PCDH9: variants seen among roughly 807,000 people sequenced by gnomAD.
PCDH9 encodes protocadherin-9.
In PCDH9, 24 loss-of-function variants were observed where a neutral mutation model predicts 70.6. The observed-to-expected ratio is 0.34, with a 90% CI of 0.25 to 0.48. The LOEUF (loss-of-function observed/expected upper bound fraction) is 0.48. Among genes scored for constraint, PCDH9 ranks in the 20% least tolerant of loss-of-function variants. PCDH9 has a pLI of 0.99. For missense variants in PCDH9, 1,281 were observed against 1,503.6 expected, an observed-to-expected ratio of 0.85 and a Z score of 2.45; for synonymous variants, 562 against 558.5, an observed-to-expected ratio of 1.01 and a Z score of -0.09.
chr13:66,873,290 TA>T (rs1449682064), intron 3 of PCDH9, among the ~76,000 whole-genome samples: 1 of 152,192 alleles, frequency 6.6e-6, no homozygotes, highest in Non-Finnish European at 1.5e-5. Context: ...AATTAAATTA[TA>T]GGGGGAATGA....
intron 3 of PCDH9, among the ~76,000 whole-genome samples, chr13:66,841,307 A>T (rs1289589060): frequency 6.6e-6 from 1 of 152,294 alleles, no homozygotes; most frequent in African/African-American, 2.4e-5. Flanking sequence ...AAAATCAGGG[A>T]TCGTTCTACT....
intron 3 of PCDH9, among the ~76,000 whole-genome samples, chr13:66,762,864 G>GA (rs926440244): frequency 1.3e-5 from 2 of 151,708 alleles, no homozygotes; most frequent in African/African-American, 2.4e-5. Flanking sequence ...AAGTCTCAGA[G>GA]AAAAAAAATT....
At chr13:66,439,366 A>G (rs1406445827) in intron 4 of PCDH9, among the ~76,000 whole-genome samples, 1 of 152,204 alleles carries the variant, frequency 6.6e-6, no homozygotes, top group African/African-American at 2.4e-5. Context: ...AATAAAGTAC[A>G]TCCTGAAGAT....
intron 4 of PCDH9, among the ~76,000 whole-genome samples, chr13:66,401,027 T>C (rs899575701): frequency 1.3e-5 from 2 of 152,172 alleles, no homozygotes; most frequent in African/African-American, 4.8e-5. Context: ...CTTAATTGTG[T>C]GGGGAAATCG....
intron 2 of PCDH9, among the ~76,000 whole-genome samples, chr13:67,134,718 C>G (rs2087189342): frequency 3.9e-5 from 6 of 152,094 alleles, no homozygotes; most frequent in Non-Finnish European, 8.8e-5. Context: ...CAAACACACA[C>G]TCAGAAACAT....
intron 3 of PCDH9, among the ~76,000 whole-genome samples, chr13:66,899,909 C>G (rs2082250119): frequency 6.6e-6 from 1 of 151,856 alleles, no homozygotes; most frequent in Admixed American, 6.6e-5. Flanking sequence ...CAAGTATAAA[C>G]TATTTTATTT....
chr13:67,148,105 A>G (rs1212199352), intron 2 of PCDH9, among the ~76,000 whole-genome samples: 1 of 152,114 alleles, frequency 6.6e-6, no homozygotes, highest in Non-Finnish European at 1.5e-5. Context: ...ATGCAGGTCT[A>G]TCTTTTTAAC....
At chr13:66,684,750 C>T (rs775742806) in intron 3 of PCDH9, among the ~76,000 whole-genome samples, 1 of 151,970 alleles carries the variant, frequency 6.6e-6, no homozygotes, top group Non-Finnish European at 1.5e-5. Context: ...TGGACTAATA[C>T]AGTAAATTGG....
chr13:66,424,456 A>G (rs1957631053), intron 4 of PCDH9, among the ~76,000 whole-genome samples: 1 of 151,994 alleles, frequency 6.6e-6, no homozygotes, highest in Admixed American at 6.6e-5. Flanking sequence ...TGGGAGAAGT[A>G]TGGAAAGAAC....
At chr13:66,476,733 G>A (rs1958738354) in intron 4 of PCDH9, among the ~76,000 whole-genome samples, 1 of 151,926 alleles carries the variant, frequency 6.6e-6, no homozygotes, top group African/African-American at 2.4e-5. Context: ...ATCTTCTTGT[G>A]TATAAGTAAC....
At chr13:67,153,954 C>T (rs750078589) in intron 2 of PCDH9, among the ~76,000 whole-genome samples, 7 of 152,166 alleles carry the variant, frequency 4.6e-5, no homozygotes, top group African/African-American at 9.7e-5. Flanking sequence ...AATGAATATA[C>T]GTGTATACTT....
chr13:66,475,647 A>C (rs1288007405), intron 4 of PCDH9, among the ~76,000 whole-genome samples: 1 of 152,074 alleles, frequency 6.6e-6, no homozygotes, highest in Non-Finnish European at 1.5e-5. Context: ...AGAGAATGCA[A>C]TAAACATGTA....
chr13:66,645,252 T>A (rs2077756363), intron 3 of PCDH9, among the ~76,000 whole-genome samples: 2 of 152,070 alleles, frequency 1.3e-5, no homozygotes, highest in Non-Finnish European at 2.9e-5. Context: ...ATGAGTATGA[T>A]CTTATGACCC....
intron 2 of PCDH9, among the ~76,000 whole-genome samples, chr13:67,013,175 A>G (rs2084486418): frequency 1.3e-5 from 2 of 151,796 alleles, no homozygotes; most frequent in African/African-American, 2.4e-5. Context: ...TAAATCACCC[A>G]TGAAATCACC....
At chr13:66,841,780 G>A (rs920074351) in intron 3 of PCDH9, among the ~76,000 whole-genome samples, 1 of 152,124 alleles carries the variant, frequency 6.6e-6, no homozygotes, top group African/African-American at 2.4e-5. Flanking sequence ...GAAAAATGGA[G>A]GGTTTAACAT....
chr13:67,227,793 A>G lies in PCDH9; in HGVS notation c.648T>C (p.Asp216=), dbSNP rs1593659421. ...VQQNLDREQK[D]TYVMKIKVED... ...CTACTTTGATTTTCATCACATAGGTATCTTTCTGTTCTCTATCCAAGTTTT... is the reference window on the plus strand; with the variant it reads ...CTACTTTGATTTTCATCACATAGGTGTCTTTCTGTTCTCTATCCAAGTTTT... The change falls in exon 2 of 5, where the codon GAT becomes GAC. Residue 216 remains aspartate, a synonymous_variant. Transcript: ENST00000377865. The surrounding 1 kb of genome is among the most constrained non-coding windows in gnomAD (Gnocchi z 4.6). The G allele has an allele frequency of 9.3e-6, 15 of 1,613,928 alleles. No homozygotes were observed. Among genetic ancestry groups the G allele is most frequent in the Non-Finnish European group, 1.3e-5 (15 of 1,179,818 alleles).
At chr13:66,522,272 G>T (rs1378592118) in intron 4 of PCDH9, among the ~76,000 whole-genome samples, 1 of 151,764 alleles carries the variant, frequency 6.6e-6, no homozygotes, top group African/African-American at 2.4e-5. Flanking sequence ...ACATGACTGG[G>T]AACCAAAATA....
chr13:66,932,117 T>C (rs1262907357), intron 2 of PCDH9, among the ~76,000 whole-genome samples: 2 of 152,172 alleles, frequency 1.3e-5, no homozygotes, highest in Non-Finnish European at 2.9e-5. Context: ...AGTCTCTTTC[T>C]GGATACCTTA....
chr13:67,118,154 A>T (rs1047822786), intron 2 of PCDH9, among the ~76,000 whole-genome samples: 1 of 152,168 alleles, frequency 6.6e-6, no homozygotes, highest in African/African-American at 2.4e-5. Flanking sequence ...TGCATGCTGT[A>T]GAAAATTCTG....
Sources: allele counts gnomAD v4.1 joint callset (sites outside exome capture counted in the v4.1 genomes callset), GRCh38; gene constraint gnomAD v4.1.1; non-coding constraint Gnocchi (gnomAD v3.1); transcripts MANE v1.5; gene names NCBI Gene and HGNC (gene_info 2026-07-23, HGNC 2026-07-21).